Variants in TNS4 observed in about 807,000 individuals in gnomAD.
The protein encoded by TNS4 is tensin-4.
Under a neutral mutation model 70.4 loss-of-function variants are expected in TNS4, and 46 were observed. The observed-to-expected ratio is 0.65, with a 90% CI of 0.52 to 0.84. The LOEUF is 0.84. TNS4 is among the 40% of genes least tolerant of loss of function. The pLI, the probability that TNS4 is intolerant of heterozygous loss-of-function variation, is 0.00. For missense variants in TNS4, 863 were observed against 907.0 expected (o/e 0.95, Z 0.62); for synonymous variants, 390 against 366.6 (o/e 1.06, Z -0.73).
intron 2 of TNS4, among the ~76,000 whole-genome samples, chr17:40,494,108 G>A (rs997001801): frequency 5.9e-5 from 9 of 152,244 alleles, no homozygotes; most frequent in Non-Finnish European, 1.5e-5. Context: ...GTGCCAGAGG[G>A]CCTGGGTGCT....
At chr17:40,478,447 C>T (rs1195283921) in intron 11 of TNS4, 114 bp from the exon 12 acceptor site, 2 of 1,531,566 alleles carry the variant, frequency 1.3e-6, no homozygotes, top group East Asian at 2.3e-5. Context: ...CCCACCCTAC[C>T]CTCATTCTGT....
intron 2 of TNS4, 66 bp from the exon 3 acceptor site, chr17:40,489,035 G>A: frequency 1.4e-6 from 2 of 1,425,806 alleles, no homozygotes; most frequent in Non-Finnish European, 1.9e-6. Flanking sequence ...CAGAGAGGCT[G>A]GAAGTATCCT....
rs1427337573 is a variant in TNS4, at chr17:40,484,557, G to C, written c.1428C>G (p.Ser476Arg). Reference sequence around the variant, plus strand: ...GGCCGAAGGAGCCTCGGTATGAAGAGCTGTCCCTTATGACAAAAGCCCCTG... The same window carrying C: ...GGCCGAAGGAGCCTCGGTATGAAGACCTGTCCCTTATGACAAAAGCCCCTG... ...EEPGAFVIRDSSSYRGSFGLA... is the reference protein window; with the variant it reads ...EEPGAFVIRDRSSYRGSFGLA... The change falls in exon 6 of 13, where the codon AGC (serine) becomes AGG (arginine). Residue 476 changes from serine (S) to arginine (R), a missense_variant. By Grantham distance (110) the Ser-to-Arg change is moderately radical. Transcript: ENST00000254051. The C allele has an allele frequency of 2.5e-6, 4 of 1,612,762 alleles. No homozygotes were observed. Among genetic ancestry groups the C allele is most frequent in the Non-Finnish European group, 3.4e-6 (4 of 1,180,016 alleles).
chr17:40,480,124 T>A, intron 9 of TNS4: 2 of 409,308 alleles, frequency 4.9e-6, no homozygotes, highest in South Asian at 9.6e-5. Flanking sequence ...CAGGAAAACA[T>A]CCTTCTGTCC....
chr17:40,496,531 C>T lies in TNS4; in HGVS notation c.-95-11G>A. 4 of 1,226,162 alleles carry T rather than the reference C, an allele frequency of 3.3e-6. No homozygotes were observed. Among genetic ancestry groups the T allele is most frequent in the Non-Finnish European group, 4.4e-6 (4 of 903,226 alleles). 76.0% of individuals were successfully genotyped at this position (1,226,162 alleles called of 1,614,324 possible). A position where few individuals can be genotyped will look rare whatever the true frequency, so the allele number is the denominator to read the frequency against. ...AGGAGCTCCCAGGATCTGAAAGAGT[C>T]CAAGAGTGGGAACGGAGTAATTTCT... is the stretch of plus-strand genomic sequence containing the variant. On this transcript the variant is annotated splice_polypyrimidine_tract_variant and intron_variant, in intron 1 of 12. Transcript: ENST00000254051.
Position 40,487,276 on chromosome 17 carries a change from AGT to A in TNS4, c.1046_1047del (p.His349LeufsTer98), listed in dbSNP as rs758229379. Reference sequence around the variant, plus strand: ...GCATGTTCTTTGGCCAGTGGTGGAGAGTGGGGTGTTCTGGGTTGGCCCATGGT... The same window carrying A: ...GCATGTTCTTTGGCCAGTGGTGGAGAGGGGTGTTCTGGGTTGGCCCATGGT... ...TLTMGQPRTP[H>X]SPPLAKEHAS... On this transcript the variant is annotated frameshift_variant, in exon 4 of 13. Transcript: ENST00000254051. LOFTEE classifies it high-confidence loss of function. 3.2e-5 allele frequency: 51 copies of A among 1,613,746 alleles called. No homozygotes were observed. Among genetic ancestry groups the A allele is most frequent in the Non-Finnish European group, 4.2e-5 (50 of 1,179,972 alleles).
intron 9 of TNS4, 130 bp from the exon 10 acceptor site, chr17:40,479,972 A>G (rs904798583): frequency 1.7e-6 from 2 of 1,176,698 alleles, no homozygotes; most frequent in African/African-American, 1.5e-5. Context: ...CCGCCACCCA[A>G]CAGAAAGTGG....
intron 1 of TNS4, among the ~76,000 whole-genome samples, chr17:40,500,064 C>T (rs1339178699): frequency 3.3e-5 from 5 of 152,178 alleles, no homozygotes; most frequent in Admixed American, 1.3e-4. Flanking sequence ...GAGGAGGGTG[C>T]TATTGCTGCA....
intron 2 of TNS4, among the ~76,000 whole-genome samples, chr17:40,489,923 G>T (rs1263780158): frequency 6.6e-6 from 1 of 151,812 alleles, no homozygotes; most frequent in East Asian, 1.9e-4. Context: ...CTCTCCAGGG[G>T]GTGAACCCAG....
chr17:40,481,954 G>T (rs1253012294), intron 8 of TNS4, among the ~76,000 whole-genome samples, 175 bp downstream of exon 8: 1 of 152,242 alleles, frequency 6.6e-6, no homozygotes, highest in East Asian at 1.9e-4. Flanking sequence ...GCTCAGAGAG[G>T]TCAACATTCT....
intron 4 of TNS4, among the ~76,000 whole-genome samples, chr17:40,486,318 G>A (rs1023423940): frequency 4.6e-5 from 7 of 151,986 alleles, no homozygotes; most frequent in African/African-American, 9.7e-5. Context: ...GAACTGACTC[G>A]CCCTCTTGCT....
chr17:40,477,450 G>A lies in TNS4; in HGVS notation c.*138C>T. Reference sequence around the variant, plus strand: ...TGAAGGCCATAGCAGGTTCAAGGGTGTCAACTTGATGCCAATCCCCCTAGT... The same window carrying A: ...TGAAGGCCATAGCAGGTTCAAGGGTATCAACTTGATGCCAATCCCCCTAGT... On this transcript the variant is annotated 3_prime_UTR_variant, in exon 13 of 13. Coordinates refer to ENST00000254051, the MANE Select transcript of TNS4 (RefSeq NM_032865.6). The A allele has an allele frequency of 1.6e-6, 2 of 1,218,570 alleles. No homozygotes were observed. Among genetic ancestry groups the A allele is most frequent in the Non-Finnish European group, 2.3e-6 (2 of 881,718 alleles). 75.5% of individuals were successfully genotyped at this position (1,218,570 alleles called of 1,614,324 possible). A position where few individuals can be genotyped will look rare whatever the true frequency, so the allele number is the denominator to read the frequency against.
At chr17:40,482,838 G>A (rs2035944836) in intron 6 of TNS4, among the ~76,000 whole-genome samples, 1 of 151,990 alleles carries the variant, frequency 6.6e-6, no homozygotes, top group Non-Finnish European at 1.5e-5. Flanking sequence ...CACAGAGGAG[G>A]TGCCAACACA....
intron 2 of TNS4, among the ~76,000 whole-genome samples, chr17:40,492,143 G>C (rs943468200): frequency 6.6e-6 from 1 of 152,160 alleles, no homozygotes; most frequent in African/African-American, 2.4e-5. Flanking sequence ...GCCTCCAAAC[G>C]GATGGATTCC....
intron 2 of TNS4, among the ~76,000 whole-genome samples, chr17:40,495,092 G>A (rs1204902647): frequency 1.3e-5 from 2 of 152,036 alleles, no homozygotes; most frequent in East Asian, 1.9e-4. Flanking sequence ...TCAGGATTTT[G>A]TCTAGCTAGT....
intron 8 of TNS4, among the ~76,000 whole-genome samples, chr17:40,481,868 C>T (rs1337795022): frequency 5.9e-5 from 9 of 152,222 alleles, no homozygotes; most frequent in East Asian, 1.9e-4. Flanking sequence ...CCAGGCATTG[C>T]GCTAAGAGCC....
intron 4 of TNS4, among the ~76,000 whole-genome samples, chr17:40,486,503 G>A (rs1156633467): frequency 6.6e-6 from 1 of 151,234 alleles, no homozygotes; most frequent in Non-Finnish European, 1.5e-5. Flanking sequence ...GCTCTCTGAT[G>A]GTACCCTATT....
chr17:40,491,321 A>G, intron 2 of TNS4, among the ~76,000 whole-genome samples: 1 of 136,734 alleles, frequency 7.3e-6, no homozygotes, highest in East Asian at 2.2e-4. Context: ...CACTACGAAC[A>G]CATTGCTTGT....
chr17:40,480,904 C>A, intron 8 of TNS4, 136 bp from the exon 9 acceptor site: 1 of 1,008,154 alleles, frequency 9.9e-7, no homozygotes, highest in South Asian at 1.6e-5. Flanking sequence ...TGACTCAAAC[C>A]AGGTGTGATT....
Sources: allele counts gnomAD v4.1 joint callset (sites outside exome capture counted in the v4.1 genomes callset), GRCh38; gene constraint gnomAD v4.1.1; transcripts MANE v1.5; gene names NCBI Gene and HGNC (gene_info 2026-07-23, HGNC 2026-07-21).